NMNAT2: variants seen among roughly 807,000 people sequenced by gnomAD.
NMNAT2 encodes nicotinamide nucleotide adenylyltransferase 2, also known as nicotinamide/nicotinic acid mononucleotide adenylyltransferase 2.
NMNAT2 carries 11 observed loss-of-function variants against 41.6 expected under a neutral mutation model. The observed-to-expected ratio is 0.26, with a 90% CI of 0.17 to 0.44. NMNAT2 has a LOEUF of 0.44. Ranked by LOEUF, NMNAT2 falls within the 20% of genes least tolerant of loss-of-function variation. The pLI is 1.00. For missense variants in NMNAT2, 288 were observed against 407.7 expected (o/e 0.71, Z 2.53); for synonymous variants, 148 against 151.2 (o/e 0.98, Z 0.16).
At chr1:183,382,472 C>T (rs1200496789) in intron 1 of NMNAT2, among the ~76,000 whole-genome samples, 1 of 152,200 alleles carries the variant, frequency 6.6e-6, no homozygotes, top group African/African-American at 2.4e-5. Flanking sequence ...TAACTCATTT[C>T]AGCATTAACT....
chr1:183,261,353 C>T (rs1451439181), intron 8 of NMNAT2, 50 bp from the exon 9 acceptor site: 3 of 1,480,342 alleles, frequency 2.0e-6, no homozygotes, highest in African/African-American at 2.8e-5. Context: ...TCCCAAACTC[C>T]TACCAAGCAA....
intron 1 of NMNAT2, among the ~76,000 whole-genome samples, chr1:183,327,372 T>A (rs1662491851): frequency 1.3e-5 from 2 of 152,172 alleles, no homozygotes; most frequent in Admixed American, 6.5e-5. Context: ...ATACATTTTT[T>A]AAATAACAAA....
chr1:183,252,865 C>A, intron 10 of NMNAT2, 122 bp from the exon 11 acceptor site: 1 of 706,096 alleles, frequency 1.4e-6, no homozygotes, highest in South Asian at 1.7e-5. Context: ...GTAAATAGTT[C>A]TGTATTAGGA....
chr1:183,352,477 C>T (rs1180430172), intron 1 of NMNAT2, among the ~76,000 whole-genome samples: 2 of 147,930 alleles, frequency 1.4e-5, no homozygotes, highest in South Asian at 2.1e-4. Flanking sequence ...GCAGGAGAAT[C>T]GCTTGAACTC....
Position 183,249,048 on chromosome 1 carries a change from A to C in NMNAT2, c.*3593T>G, listed in dbSNP as rs1660303730. ...GTCTCACTTTCTACTTAATTTGAAC[A>C]GCAAGTTCTTTAATTCTTTCTGAGA... On this transcript the variant is annotated 3_prime_UTR_variant, in exon 11 of 11. Transcript: ENST00000287713. 6.6e-6 allele frequency: 1 copy of C among 152,174 alleles called. No homozygotes were observed. The highest frequency in any genetic ancestry group is 1.5e-5 in the Non-Finnish European group (1 of 68,032). 9.4% of individuals were successfully genotyped at this position (152,174 alleles called of 1,614,324 possible). A position where few individuals can be genotyped will look rare whatever the true frequency, so the allele number is the denominator to read the frequency against.
chr1:183,284,892 G>A (rs1464521452), intron 5 of NMNAT2, 102 bp from the exon 6 acceptor site: 7 of 897,296 alleles, frequency 7.8e-6, no homozygotes, highest in Admixed American at 1.8e-5. Flanking sequence ...ACATCAGGGT[G>A]CATGGACGGG....
intron 1 of NMNAT2, among the ~76,000 whole-genome samples, chr1:183,369,258 CTTTTCT>C (rs1323420997): frequency 1.1e-5 from 1 of 87,682 alleles, no homozygotes; most frequent in Non-Finnish European, 2.4e-5. Context: ...TTTTTCTTTT[CTTTTCT>C]TTTTTTTTTT....
chr1:183,286,780 A>G lies in NMNAT2; in HGVS notation c.330T>C (p.Thr110=), dbSNP rs1329759394. Residue 110 remains threonine, a synonymous_variant, in exon 5 of 11, where the codon ACT becomes ACC. Transcript: ENST00000287713. The part of the protein sequence containing the change: ...EHHRDLMKRV[T]GCILSNVNTP... ...TGTTGACATTGGAGAGGATGCAGCCAGTCACCCTCTAGGGAGAGAGAGAAG... is the reference window on the plus strand; with the variant it reads ...TGTTGACATTGGAGAGGATGCAGCCGGTCACCCTCTAGGGAGAGAGAGAAG... 6.8e-6 allele frequency: 11 copies of G among 1,610,598 alleles called. No homozygotes were observed. The South Asian group carries it at 1.2e-4, about 18-fold the overall frequency.
chr1:183,270,612 TG>T (rs1351996475), intron 8 of NMNAT2, among the ~76,000 whole-genome samples: 4 of 151,666 alleles, frequency 2.6e-5, no homozygotes, highest in African/African-American at 9.7e-5. Flanking sequence ...CCAACTTAAC[TG>T]GGGGTGTGGG....
intron 1 of NMNAT2, among the ~76,000 whole-genome samples, chr1:183,313,938 T>C (rs953556260): frequency 6.6e-6 from 1 of 152,214 alleles, no homozygotes; most frequent in Non-Finnish European, 1.5e-5. Context: ...AGCTGGGATT[T>C]GTCTCTAGGG....
intron 1 of NMNAT2, among the ~76,000 whole-genome samples, chr1:183,331,213 G>A (rs1327422593): frequency 6.8e-6 from 1 of 146,986 alleles, no homozygotes; most frequent in Admixed American, 6.9e-5. Context: ...ACTGAGCACT[G>A]GAACTGGAAA....
At chr1:183,357,450 C>T (rs1481683280) in intron 1 of NMNAT2, among the ~76,000 whole-genome samples, 1 of 151,854 alleles carries the variant, frequency 6.6e-6, no homozygotes, top group Non-Finnish European at 1.5e-5. Flanking sequence ...AGGATGGTCT[C>T]TATCTCCTGA....
At chr1:183,398,989 A>G (rs186476967) in intron 1 of NMNAT2, among the ~76,000 whole-genome samples, 53 of 152,324 alleles carry the variant, frequency 3.5e-4, no homozygotes, top group Non-Finnish European at 5.0e-4. Context: ...ACCTAACATC[A>G]CAATTAAAAC....
At position 183,292,865 on chromosome 1, in the gene NMNAT2, G is replaced by A; in HGVS notation, c.175-8C>T. On this transcript the variant is annotated splice_polypyrimidine_tract_variant and splice_region_variant and intron_variant, in intron 2 of 10. Transcript: ENST00000287713. ...CCGGCTTGACACGAGGCCCTGGGAA[G>A]CAACAGAGCAATCATTGGGAGACTC... The A allele has an allele frequency of 6.2e-7, 1 of 1,613,828 alleles. No homozygotes were observed. Among genetic ancestry groups the A allele is most frequent in the East Asian group, 2.2e-5 (1 of 44,868 alleles).
chr1:183,408,638 G>T (rs558425744), intron 1 of NMNAT2, among the ~76,000 whole-genome samples: 6 of 152,060 alleles, frequency 3.9e-5, no homozygotes, highest in Middle Eastern at 3.2e-3. Context: ...CAGAAAAAAT[G>T]GAGTGATAGG....
intron 2 of NMNAT2, 40 bp downstream of exon 2, chr1:183,293,665 A>T: frequency 2.8e-6 from 4 of 1,411,282 alleles, no homozygotes; most frequent in Non-Finnish European, 4.0e-6. Flanking sequence ...GGATGGGGGG[A>T]CGGGGATTGA....
intron 10 of NMNAT2, among the ~76,000 whole-genome samples, chr1:183,259,835 G>A (rs1461814561): frequency 2.0e-5 from 3 of 152,080 alleles, no homozygotes; most frequent in Admixed American, 6.6e-5. Context: ...TCCTGACCTC[G>A]TGATCCACCT....
chr1:183,414,466 A>T (rs775257694), intron 1 of NMNAT2, among the ~76,000 whole-genome samples: 6 of 152,226 alleles, frequency 3.9e-5, no homozygotes, highest in African/African-American at 9.7e-5. Context: ...GCTACATTAA[A>T]TTATAATCTC....
chr1:183,413,655 G>GGAGTGCAGTGGCGC (rs1431522431), intron 1 of NMNAT2, among the ~76,000 whole-genome samples: 3 of 137,468 alleles, frequency 2.2e-5, no homozygotes, highest in African/African-American at 8.5e-5. Context: ...CGCCCAAGCT[G>GGAGTGCAGTGGCGC]GAGTGCAGTG....
Sources: allele counts gnomAD v4.1 joint callset (sites outside exome capture counted in the v4.1 genomes callset), GRCh38; gene constraint gnomAD v4.1.1; transcripts MANE v1.5; gene names NCBI Gene and HGNC (gene_info 2026-07-23, HGNC 2026-07-21).